The following CHSY3 variants were observed in gnomAD, a reference collection of about 807,000 sequenced individuals.
The protein encoded by CHSY3 is N-acetylgalactosaminyl-proteoglycan 3-beta-glucuronosyltransferase 3.
Under a neutral mutation model 67.2 loss-of-function variants are expected in CHSY3, and 35 were observed. That is an observed-to-expected ratio of 0.52 (90% CI 0.40 to 0.69). CHSY3 has a LOEUF of 0.69. Ranked by LOEUF, CHSY3 falls within the 30% of genes least tolerant of loss-of-function variation. The probability of loss-of-function intolerance (pLI) is 0.00; values close to 1 mark genes in which losing one functional copy is unlikely to be tolerated. For synonymous variants in CHSY3, 474 were observed against 434.7 expected, an observed-to-expected ratio of 1.09 and a Z score of -1.12; for missense variants, 1,069 against 1,138.5, an observed-to-expected ratio of 0.94 and a Z score of 0.88.
In CHSY3 at chr5:130,098,397, T is replaced by C. The variant is rs1199484755; in HGVS notation, c.1087-85832T>C. 2.0e-5 allele frequency among the ~76,000 whole-genome samples: 3 copies of C among 152,194 alleles called. No individual in the cohort carries two copies. The South Asian group carries it at 6.2e-4, about 32-fold the overall frequency. ...ACCTTAATCTGTCTAGTTGGGTGTT[T>C]GTGGGAGCTGGTGCACTTGGTTTGG... On this transcript the variant is annotated intron_variant, in intron 2 of 2. Coordinates refer to ENST00000305031, the MANE Select transcript of CHSY3 (RefSeq NM_175856.5).
chr5:130,042,217 C>T (rs1048626334), intron 2 of CHSY3, among the ~76,000 whole-genome samples: 1 of 152,116 alleles, frequency 6.6e-6, no homozygotes, highest in African/African-American at 2.4e-5. Context: ...GCCTTGGGGG[C>T]AGAGTGAGAC....
At chr5:130,156,933 G>T (rs2149726304) in intron 2 of CHSY3, among the ~76,000 whole-genome samples, 1 of 152,316 alleles carries the variant, frequency 6.6e-6, no homozygotes, top group South Asian at 2.1e-4. Flanking sequence ...CAGCTGTAAG[G>T]ATATACTGTC....
At position 130,186,300 on chromosome 5, in the gene CHSY3, T is replaced by C. The variant is rs1302163347; in HGVS notation, c.*509T>C. On this transcript the variant is annotated 3_prime_UTR_variant, in exon 3 of 3. Transcript: ENST00000305031. ...GACTTAAATATATAAACAATAATTT[T>C]CTTCATCTTTAGAATTTTTAAAGTA... 1.3e-5 allele frequency: 2 copies of C among 152,596 alleles called. No individual in the cohort carries two copies. The highest frequency in any genetic ancestry group is 1.3e-4 in the Admixed American group (2 of 15,272). 9.5% of individuals were successfully genotyped at this position (152,596 alleles called of 1,614,324 possible). A position where few individuals can be genotyped will look rare whatever the true frequency, so the allele number is the denominator to read the frequency against.
intron 2 of CHSY3, among the ~76,000 whole-genome samples, chr5:129,932,077 A>C (rs1761327396): frequency 6.8e-6 from 1 of 146,118 alleles, no homozygotes; most frequent in Non-Finnish European, 1.5e-5. Flanking sequence ...AAACAATAAA[A>C]CCATATGTAA....
intron 2 of CHSY3, among the ~76,000 whole-genome samples, chr5:130,050,119 TG>T (rs917222558): frequency 7.9e-4 from 120 of 152,258 alleles, no homozygotes; most frequent in African/African-American, 2.6e-3. Context: ...TGTAGGGCTT[TG>T]TTTACTACTC....
intron 2 of CHSY3, among the ~76,000 whole-genome samples, chr5:129,931,758 G>T (rs574110337): frequency 6.6e-6 from 1 of 152,122 alleles, no homozygotes; most frequent in East Asian, 1.9e-4. Context: ...TCTAATTCTA[G>T]TTTTAGGTAG....
At chr5:130,141,036 A>C (rs148606236) in intron 2 of CHSY3, 1 of 309,716 alleles carries the variant, frequency 3.2e-6, no homozygotes, top group Non-Finnish European at 5.2e-6. Flanking sequence ...GTCCTGGTTC[A>C]TGGTTCTATT....
intron 2 of CHSY3, among the ~76,000 whole-genome samples, chr5:130,167,019 C>T (rs2149730865): frequency 6.6e-6 from 1 of 152,124 alleles, no homozygotes; most frequent in East Asian, 1.9e-4. Flanking sequence ...TTCAAGACTA[C>T]TACAATAGGG....
intron 2 of CHSY3, among the ~76,000 whole-genome samples, chr5:129,939,809 T>C (rs935103551): frequency 3.9e-5 from 6 of 152,192 alleles, no homozygotes; most frequent in Admixed American, 3.9e-4. Flanking sequence ...TCTTTATAAG[T>C]GCTGCTTAAA....
intron 2 of CHSY3, among the ~76,000 whole-genome samples, chr5:130,122,949 A>C (rs1056182443): frequency 3.3e-5 from 5 of 152,190 alleles, no homozygotes; most frequent in Non-Finnish European, 7.3e-5. Flanking sequence ...ACCATATGGC[A>C]AAGTTTTAGT....
chr5:130,064,531 C>T (rs897471206), intron 2 of CHSY3, among the ~76,000 whole-genome samples: 3 of 152,100 alleles, frequency 2.0e-5, no homozygotes, highest in Non-Finnish European at 4.4e-5. Context: ...ACTTCTATGG[C>T]GCATGTTAAG....
intron 2 of CHSY3, among the ~76,000 whole-genome samples, chr5:130,179,162 A>G (rs1770170697): frequency 6.6e-6 from 1 of 152,160 alleles, no homozygotes; most frequent in Non-Finnish European, 1.5e-5. Flanking sequence ...TTTTATTCAG[A>G]AGTTGACTTG....
At chr5:130,117,344 G>A (rs1767844026) in intron 2 of CHSY3, among the ~76,000 whole-genome samples, 1 of 152,232 alleles carries the variant, frequency 6.6e-6, no homozygotes, top group Admixed American at 6.5e-5. Flanking sequence ...TGGAACTAGA[G>A]ATTCCAGACC....
intron 2 of CHSY3, among the ~76,000 whole-genome samples, chr5:130,084,475 G>A (rs1766545727): frequency 6.6e-6 from 1 of 151,840 alleles, no homozygotes; most frequent in Non-Finnish European, 1.5e-5. Flanking sequence ...TGTGACCAAT[G>A]ACCTGTGACA....
rs147403179 is a variant in CHSY3, at chr5:130,184,983, G to A, written c.1841G>A (p.Gly614Glu). The A allele has an allele frequency of 2.6e-6, 4 of 1,558,186 alleles. No homozygotes were observed. Among genetic ancestry groups the A allele is most frequent in the Non-Finnish European group, 3.5e-6 (4 of 1,129,452 alleles). The change falls in exon 3 of 3, where the codon GGA (glycine) becomes GAA (glutamate). Residue 614 changes from glycine to glutamate, a missense_variant. Coordinates refer to ENST00000305031, the MANE Select transcript of CHSY3 (RefSeq NM_175856.5). ...LSSFQGAKEM[G>E]GHNEKKVHIL... ...TCTTTTCAAGGTGCCAAAGAAATGG[G>A]AGGGCACAATGAAAAGAAAGTACAC...
chr5:129,947,938 C>A (rs1761909224), intron 2 of CHSY3, among the ~76,000 whole-genome samples: 1 of 152,080 alleles, frequency 6.6e-6, no homozygotes, highest in Non-Finnish European at 1.5e-5. Flanking sequence ...GTTCTTTGCC[C>A]ATTTCAAAAA....
At chr5:129,942,354 T>C (rs1761724637) in intron 2 of CHSY3, among the ~76,000 whole-genome samples, 1 of 152,236 alleles carries the variant, frequency 6.6e-6, no homozygotes, top group Non-Finnish European at 1.5e-5. Flanking sequence ...TTCATTATTT[T>C]CTTATAAATG....
At chr5:130,136,270 G>A (rs1160438754) in intron 2 of CHSY3, among the ~76,000 whole-genome samples, 1 of 152,174 alleles carries the variant, frequency 6.6e-6, no homozygotes, top group Non-Finnish European at 1.5e-5. Flanking sequence ...GGTCCAGGAA[G>A]AAGGAATAAG....
intron 2 of CHSY3, chr5:129,974,834 T>G (rs1402179445): frequency 6.6e-6 from 1 of 152,206 alleles, no homozygotes; most frequent in African/African-American, 2.4e-5. Flanking sequence ...ACATATATTA[T>G]TTGTGTAAGC....
Sources: allele counts gnomAD v4.1 joint callset (sites outside exome capture counted in the v4.1 genomes callset), GRCh38; gene constraint gnomAD v4.1.1; transcripts MANE v1.5; gene names NCBI Gene and HGNC (gene_info 2026-07-23, HGNC 2026-07-21).